Variants in TRPM3 observed in about 807,000 individuals in gnomAD.
TRPM3 encodes transient receptor potential cation channel subfamily M member 3.
TRPM3 carries 77 observed loss-of-function variants against 181.2 expected under a neutral mutation model. The ratio of observed to expected loss-of-function variants is 0.42; its 90% CI spans 0.35 to 0.51. The LOEUF (loss-of-function observed/expected upper bound fraction) is 0.51, where lower values mean the gene tolerates loss of function less well. Among genes scored for constraint, TRPM3 ranks in the 20% least tolerant of loss-of-function variants. The probability of loss-of-function intolerance (pLI) is 0.01; values close to 1 mark genes in which losing one functional copy is unlikely to be tolerated. For synonymous variants in TRPM3, 745 were observed against 796.4 expected (o/e 0.94, Z 1.09); for missense variants, 1,759 against 2,196.7 (o/e 0.80, Z 3.98).
intron 1 of TRPM3, among the ~76,000 whole-genome samples, chr9:71,211,307 A>G (rs374682228): frequency 6.6e-6 from 1 of 150,622 alleles, no homozygotes; most frequent in African/African-American, 2.4e-5. Flanking sequence ...AGAAGATAAA[A>G]CCCTTTGAAA....
Position 70,535,583 on chromosome 9 carries a change from G to T in TRPM3, c.*370C>A. The T allele has an allele frequency of 2.0e-6, 3 of 1,510,304 alleles. No individual in the cohort carries two copies. In the South Asian group the frequency reaches 3.9e-5, roughly 19 times the overall value. 93.6% of individuals were successfully genotyped at this position (1,510,304 alleles called of 1,614,324 possible). ...CCTGCATCCTACAACTCTTGATAAT[G>T]GTCAGAAATCAACAGATGCCTCCTG... is the stretch of plus-strand genomic sequence containing the variant. On this transcript the variant is annotated 3_prime_UTR_variant, in exon 26 of 26. Transcript: ENST00000677713.
At chr9:70,871,293 C>G (rs2095785568) in intron 1 of TRPM3, among the ~76,000 whole-genome samples, 1 of 151,906 alleles carries the variant, frequency 6.6e-6, no homozygotes, top group Admixed American at 6.6e-5. Flanking sequence ...TCTTTTTCAA[C>G]TTCCTTCTTC....
At chr9:70,738,137 C>T (rs2134740970) in intron 8 of TRPM3, among the ~76,000 whole-genome samples, 1 of 152,226 alleles carries the variant, frequency 6.6e-6, no homozygotes, top group South Asian at 2.1e-4. Flanking sequence ...AAACAAGTCT[C>T]ATAAATTTAA....
intron 1 of TRPM3, among the ~76,000 whole-genome samples, chr9:71,237,314 T>C (rs932541695): frequency 1.3e-5 from 2 of 152,144 alleles, no homozygotes; most frequent in Non-Finnish European, 2.9e-5. Context: ...ATGAACACAG[T>C]TCTAAAGTAT....
At chr9:70,961,907 T>G (rs1310939963) in intron 1 of TRPM3, among the ~76,000 whole-genome samples, 3 of 152,162 alleles carry the variant, frequency 2.0e-5, no homozygotes, top group Non-Finnish European at 4.4e-5. Flanking sequence ...GAATTAAAAC[T>G]GGCAGATTTT....
chr9:70,847,972 G>C (rs1159292670), intron 3 of TRPM3, among the ~76,000 whole-genome samples: 1 of 152,108 alleles, frequency 6.6e-6, no homozygotes, highest in Non-Finnish European at 1.5e-5. Context: ...GTATTTCATA[G>C]TAAAACCATA....
intron 1 of TRPM3, among the ~76,000 whole-genome samples, chr9:71,110,431 A>G (rs2070806054): frequency 6.6e-6 from 1 of 152,206 alleles, no homozygotes; most frequent in Non-Finnish European, 1.5e-5. Flanking sequence ...TTATTAGAAA[A>G]CAGCTATGCT....
intron 1 of TRPM3, among the ~76,000 whole-genome samples, chr9:70,886,704 G>T (rs879870209): frequency 1.3e-5 from 2 of 149,940 alleles, no homozygotes; most frequent in East Asian, 3.9e-4. Flanking sequence ...CGCTCTTGTC[G>T]CCCAGGCTGG....
chr9:71,184,534 T>C (rs2077570736), intron 1 of TRPM3, among the ~76,000 whole-genome samples: 1 of 152,130 alleles, frequency 6.6e-6, no homozygotes, highest in South Asian at 2.1e-4. Context: ...TGTTAGTCCT[T>C]GATTCCTTCT....
chr9:71,031,977 T>TATATATATATA (rs1422340634), intron 1 of TRPM3, among the ~76,000 whole-genome samples: 4 of 2,896 alleles, frequency 1.4e-3, no homozygotes, highest in African/African-American at 7.2e-3. Flanking sequence ...ATATATTATA[T>TATATATATATA]ATATATATAT....
At chr9:71,062,276 C>A (rs1180855622) in intron 1 of TRPM3, among the ~76,000 whole-genome samples, 2 of 152,078 alleles carry the variant, frequency 1.3e-5, no homozygotes, top group Non-Finnish European at 1.5e-5. Context: ...TGGTTTTAAT[C>A]CACCTTCCCT....
chr9:71,000,089 C>A (rs540020420), intron 1 of TRPM3, among the ~76,000 whole-genome samples: 81 of 152,282 alleles, frequency 5.3e-4, no homozygotes, highest in African/African-American at 1.9e-3. Context: ...ATTGTGACTT[C>A]TCTGAGGGAA....
chr9:70,622,496 A>T (rs1374801166), intron 14 of TRPM3, among the ~76,000 whole-genome samples: 1 of 152,234 alleles, frequency 6.6e-6, no homozygotes, highest in East Asian at 1.9e-4. Context: ...GGCAAGGGCG[A>T]GTGGGGCCAG....
In TRPM3 at chr9:70,761,743, T is replaced by G; in HGVS notation, c.1149-19A>C. On this transcript the variant is annotated intron_variant, in intron 7 of 25. Coordinates refer to ENST00000677713, the MANE Select transcript of TRPM3 (RefSeq NM_001366145.2). ...TATCAGTCTGCAAGTAAAAACAATG[T>G]CAAAAGCAGGTCAACCAACTCCTAT... The G allele has an allele frequency of 6.2e-7, 1 of 1,601,174 alleles. No homozygotes were observed.
At chr9:71,372,360 G>A (rs2092543441) in intron 1 of TRPM3, among the ~76,000 whole-genome samples, 1 of 152,070 alleles carries the variant, frequency 6.6e-6, no homozygotes, top group African/African-American at 2.4e-5. Flanking sequence ...TAATGGAATT[G>A]CTGGGCCAAA....
At chr9:71,243,894 A>G (rs1271804883) in intron 1 of TRPM3, among the ~76,000 whole-genome samples, 1 of 149,370 alleles carries the variant, frequency 6.7e-6, no homozygotes, top group Non-Finnish European at 1.5e-5. Flanking sequence ...TGTCAAATAT[A>G]CCTCCATAGA....
At chr9:71,422,337 A>G (rs971034766) in intron 1 of TRPM3, among the ~76,000 whole-genome samples, 2 of 152,034 alleles carry the variant, frequency 1.3e-5, no homozygotes, top group African/African-American at 4.8e-5. Context: ...ATACAATTAT[A>G]AACAGATACA....
At chr9:71,403,478 A>C (rs2093379892) in intron 1 of TRPM3, among the ~76,000 whole-genome samples, 1 of 152,184 alleles carries the variant, frequency 6.6e-6, no homozygotes, top group South Asian at 2.1e-4. Context: ...TGTATGACTC[A>C]AGGGTGTTAG....
intron 25 of TRPM3, among the ~76,000 whole-genome samples, chr9:70,548,868 C>CTCTCTT (rs10602481): frequency 6.9e-6 from 1 of 143,940 alleles, no homozygotes; most frequent in Non-Finnish European, 1.5e-5. Flanking sequence ...CTCTCTCTCT[C>CTCTCTT]TTTTTAATAC....
Sources: allele counts gnomAD v4.1 joint callset (sites outside exome capture counted in the v4.1 genomes callset), GRCh38; gene constraint gnomAD v4.1.1; transcripts MANE v1.5; gene names NCBI Gene and HGNC (gene_info 2026-07-23, HGNC 2026-07-21).